Variants in TRAF3 observed in about 807,000 individuals in gnomAD.
TRAF3 encodes the protein TNF receptor associated factor 3, also known as TNF receptor-associated factor 3.
In TRAF3, 13 loss-of-function variants were observed where a neutral mutation model predicts 62.3. That is an observed-to-expected ratio of 0.21 (90% confidence interval 0.14 to 0.33). The LOEUF (loss-of-function observed/expected upper bound fraction) is 0.33. Among genes scored for constraint, TRAF3 ranks in the 10% least tolerant of loss-of-function variants. The pLI is 1.00. For missense variants in TRAF3, 440 were observed against 741.8 expected (o/e 0.59, Z 4.73); for synonymous variants, 269 against 283.4 (o/e 0.95, Z 0.51).
chr14:102,825,702 G>A (rs1231472922), intron 1 of TRAF3, among the ~76,000 whole-genome samples: 2 of 152,256 alleles, frequency 1.3e-5, no homozygotes, highest in Non-Finnish European at 2.9e-5. Context: ...GGAGGCTGGT[G>A]AGAGTGGCGC....
intron 1 of TRAF3, among the ~76,000 whole-genome samples, chr14:102,811,899 C>G (rs1899191345): frequency 7.4e-6 from 1 of 135,434 alleles, no homozygotes; most frequent in Non-Finnish European, 1.6e-5. Flanking sequence ...AGGCTTGTGC[C>G]ACCATGCCTG....
intron 2 of TRAF3, among the ~76,000 whole-genome samples, chr14:102,836,270 G>A (rs549955983): frequency 6.6e-6 from 1 of 152,316 alleles, no homozygotes; most frequent in South Asian, 2.1e-4. Flanking sequence ...AAGTCATTTA[G>A]CAGCACTGCC....
chr14:102,876,630 C>T, intron 6 of TRAF3, 105 bp downstream of exon 6: 1 of 1,449,148 alleles, frequency 6.9e-7, no homozygotes, highest in South Asian at 1.2e-5. Context: ...GGCCTTCCCT[C>T]AACTCATAGA....
At chr14:102,894,986 G>A (rs1285504603) in intron 9 of TRAF3, 3 of 438,142 alleles carry the variant, frequency 6.8e-6, no homozygotes, top group South Asian at 5.0e-5. Context: ...ACACGTATGA[G>A]CCATCACAGC....
At chr14:102,893,758 A>G (rs1445809964) in intron 9 of TRAF3, among the ~76,000 whole-genome samples, 1 of 152,146 alleles carries the variant, frequency 6.6e-6, no homozygotes, top group Non-Finnish European at 1.5e-5. Context: ...GGACGTTGCC[A>G]AAGGACTGAT....
chr14:102,812,288 A>G (rs1381653292), intron 1 of TRAF3, among the ~76,000 whole-genome samples: 2 of 152,014 alleles, frequency 1.3e-5, no homozygotes, highest in African/African-American at 4.8e-5. Flanking sequence ...ATCTCACTTA[A>G]TATAGTGTCC....
intron 1 of TRAF3, among the ~76,000 whole-genome samples, chr14:102,817,345 G>C (rs1156360130): frequency 6.6e-6 from 1 of 152,168 alleles, no homozygotes; most frequent in Non-Finnish European, 1.5e-5. Context: ...TTTCAGGGGA[G>C]AATGGGATGT....
intron 2 of TRAF3, among the ~76,000 whole-genome samples, chr14:102,842,193 G>A (rs1376362871): frequency 1.3e-5 from 2 of 150,518 alleles, no homozygotes; most frequent in Non-Finnish European, 1.5e-5. Context: ...GCAGTGAGCC[G>A]AGATCACACC....
intron 2 of TRAF3, among the ~76,000 whole-genome samples, chr14:102,851,494 C>T (rs1379929719): frequency 1.3e-5 from 2 of 152,172 alleles, no homozygotes; most frequent in Admixed American, 6.6e-5. Flanking sequence ...CCTGTAATCC[C>T]AGCACTTTGG....
chr14:102,811,912 C>CTTTT (rs1899193346), intron 1 of TRAF3, among the ~76,000 whole-genome samples: 1 of 32,696 alleles, frequency 3.1e-5, no homozygotes, highest in Non-Finnish European at 8.2e-5. Flanking sequence ...CATGCCTGGC[C>CTTTT]CTTTTTTTTT....
chr14:102,877,553 CT>C (rs1374090866), intron 6 of TRAF3, among the ~76,000 whole-genome samples: 1 of 149,910 alleles, frequency 6.7e-6, no homozygotes, highest in East Asian at 2.0e-4. Context: ...TTCCACAGGA[CT>C]TCTGCTCAGC....
At chr14:102,862,026 G>C (rs1006620574) in intron 2 of TRAF3, among the ~76,000 whole-genome samples, 6 of 151,976 alleles carry the variant, frequency 3.9e-5, no homozygotes, top group African/African-American at 1.5e-4. Flanking sequence ...AATCTCATTT[G>C]GTGCTCAAAA....
chr14:102,892,210 A>G (rs548139138), intron 9 of TRAF3, among the ~76,000 whole-genome samples: 2 of 152,128 alleles, frequency 1.3e-5, no homozygotes, highest in East Asian at 3.9e-4. Flanking sequence ...GGTGCGCACC[A>G]CCACACCCAG....
intron 2 of TRAF3, among the ~76,000 whole-genome samples, chr14:102,835,764 G>A (rs1885961519): frequency 6.6e-6 from 1 of 152,202 alleles, no homozygotes; most frequent in Non-Finnish European, 1.5e-5. Context: ...AGGGTGGAAG[G>A]TGGGAAGAGG....
chr14:102,787,014 A>G (rs1386289952), intron 1 of TRAF3, among the ~76,000 whole-genome samples: 1 of 152,282 alleles, frequency 6.6e-6, no homozygotes, highest in African/African-American at 2.4e-5. Flanking sequence ...AACAAGAACA[A>G]GAAAAATCAG....
intron 1 of TRAF3, among the ~76,000 whole-genome samples, chr14:102,779,319 T>A (rs1897176958): frequency 6.7e-6 from 1 of 148,484 alleles, no homozygotes; most frequent in Non-Finnish European, 1.5e-5. Flanking sequence ...TGTGAATTTC[T>A]CTGCGAGGGG....
intron 2 of TRAF3, among the ~76,000 whole-genome samples, chr14:102,857,793 T>C (rs1052808659): frequency 2.0e-5 from 3 of 152,260 alleles, no homozygotes; most frequent in Non-Finnish European, 4.4e-5. Flanking sequence ...AACAACTAGT[T>C]TCTCTAATTG....
chr14:102,862,933 C>A (rs1013770876), intron 2 of TRAF3, among the ~76,000 whole-genome samples: 1 of 152,020 alleles, frequency 6.6e-6, no homozygotes, highest in South Asian at 2.1e-4. Context: ...TTTTCAACTC[C>A]AGAATTTTTG....
At chr14:102,834,648 A>T (rs1050987979) in intron 2 of TRAF3, among the ~76,000 whole-genome samples, 5 of 143,980 alleles carry the variant, frequency 3.5e-5, no homozygotes, top group Non-Finnish European at 5.9e-5. Context: ...AGACTGCGCC[A>T]CTGCACTCCA....
Sources: gnomAD v4.1 joint callset for allele counts (sites outside exome capture counted in the v4.1 genomes callset) on GRCh38, gnomAD v4.1.1 for gene constraint, MANE v1.5 for transcripts, NCBI Gene and HGNC (gene_info 2026-07-23, HGNC 2026-07-21) for gene names.